Variants in BLTP1 observed in about 807,000 individuals in gnomAD.
The protein encoded by BLTP1 is fragile site-associated protein.
At chr4:122,246,676 G>T in the BLTP1 span, 1 of 1,609,374 alleles carries the variant, frequency 6.2e-7, no homozygotes, top group Admixed American at 1.7e-5. Context: ...TTTTGTGTGT[G>T]TGTTAGGTAA....
the BLTP1 span, chr4:122,291,771 G>T: frequency 3.1e-6 from 3 of 973,722 alleles, no homozygotes; most frequent in Non-Finnish European, 3.7e-6. Flanking sequence ...AAATACTATG[G>T]AATTAATGCA....
the BLTP1 span, chr4:122,347,718 C>T: frequency 6.2e-7 from 1 of 1,613,724 alleles, no homozygotes; most frequent in Non-Finnish European, 8.5e-7. Flanking sequence ...TAGGACAGAG[C>T]CTAAAATCCC....
At chr4:122,359,748 C>A in the BLTP1 span, 1 of 1,572,656 alleles carries the variant, frequency 6.4e-7, no homozygotes, top group South Asian at 1.2e-5. Context: ...ATACATTTAC[C>A]CATATGCTAA....
the BLTP1 span, chr4:122,171,690 C>A: frequency 7.2e-5 from 17 of 237,162 alleles, no homozygotes; most frequent in Non-Finnish European, 1.1e-4. Context: ...TCTTTCATGA[C>A]ACCCAAGGAT....
At chr4:122,286,928 AGT>A in the BLTP1 span, 344 of 694,328 alleles carry the variant, frequency 5.0e-4, no homozygotes, top group South Asian at 9.3e-4. Flanking sequence ...TACCAAATCA[AGT>A]GTGTGTGTGT....
the BLTP1 span, chr4:122,215,347 A>G: frequency 2.1e-6 from 2 of 968,586 alleles, no homozygotes; most frequent in Non-Finnish European, 2.5e-6. Context: ...ATAACAGACT[A>G]CAAGGGAATT....
chr4:122,168,652 G>A, the BLTP1 span, among the ~76,000 whole-genome samples: 4 of 151,750 alleles, frequency 2.6e-5, no homozygotes, highest in African/African-American at 9.7e-5. Flanking sequence ...AAATTTTAAG[G>A]TGCTGACAGG....
At chr4:122,170,643 T>C in the BLTP1 span, 4 of 1,559,786 alleles carry the variant, frequency 2.6e-6, no homozygotes, top group South Asian at 1.2e-5. Context: ...GGAAAAACTT[T>C]AGTAATGGAT....
the BLTP1 span, chr4:122,351,167 G>T: frequency 2.3e-6 from 1 of 426,116 alleles, no homozygotes; most frequent in African/African-American, 2.1e-5. Flanking sequence ...GATGATAGAG[G>T]TGTAAGTGGT....
chr4:122,212,294 CCTAGA>C, the BLTP1 span, among the ~76,000 whole-genome samples: 1 of 152,054 alleles, frequency 6.6e-6, no homozygotes, highest in Non-Finnish European at 1.5e-5. Context: ...TTTGTAGATA[CCTAGA>C]GTTTCTGTTG....
chr4:122,152,373 C>T, the BLTP1 span: 1 of 985,858 alleles, frequency 1.0e-6, no homozygotes, highest in Non-Finnish European at 1.2e-6. Flanking sequence ...CCCTCCTCCT[C>T]CGCCCCCTTG....
At chr4:122,305,865 A>G in the BLTP1 span, 1 of 1,563,900 alleles carries the variant, frequency 6.4e-7, no homozygotes, top group Non-Finnish European at 8.6e-7. Flanking sequence ...TGAGCTTTAA[A>G]TTTTATTTTA....
chr4:122,188,273 A>G, the BLTP1 span: 1 of 596,142 alleles, frequency 1.7e-6, no homozygotes, highest in Non-Finnish European at 2.1e-6. Context: ...CCAGTGATAA[A>G]CTCTAATTTT....
At chr4:122,318,293 A>G in the BLTP1 span, 42 of 1,600,864 alleles carry the variant, frequency 2.6e-5, no homozygotes, top group African/African-American at 8.1e-5. Context: ...TTTTCTTTCA[A>G]TGCTGGTGAC....
chr4:122,321,338 C>T, the BLTP1 span, among the ~76,000 whole-genome samples: 1 of 152,108 alleles, frequency 6.6e-6, no homozygotes, highest in African/African-American at 2.4e-5. Context: ...TCCCTCCCTC[C>T]TGTCTCTTGT....
the BLTP1 span, among the ~76,000 whole-genome samples, chr4:122,202,750 C>T: frequency 1.3e-5 from 2 of 151,960 alleles, no homozygotes; most frequent in Non-Finnish European, 2.9e-5. Flanking sequence ...TTTGTACTAG[C>T]ACTTTCATTT....
the BLTP1 span, chr4:122,270,867 TG>T: frequency 9.5e-7 from 1 of 1,049,612 alleles, no homozygotes; most frequent in East Asian, 2.6e-5. Flanking sequence ...CCTGGCCTAG[TG>T]AAAAAGCATA....
At chr4:122,180,712 A>T in the BLTP1 span, among the ~76,000 whole-genome samples, 2 of 152,366 alleles carry the variant, frequency 1.3e-5, no homozygotes, top group Admixed American at 1.3e-4. Context: ...TGTAATTGGG[A>T]CACATGCTAT....
the BLTP1 span, among the ~76,000 whole-genome samples, chr4:122,338,373 T>C: frequency 1.3e-5 from 2 of 151,912 alleles, no homozygotes; most frequent in Non-Finnish European, 1.5e-5. Context: ...CTTGGGAGGC[T>C]GAGATGGGAA....
Sources: allele counts gnomAD v4.1 joint callset (sites outside exome capture counted in the v4.1 genomes callset), GRCh38; gene constraint gnomAD v4.1.1; transcripts MANE v1.5; gene names NCBI Gene and HGNC (gene_info 2026-07-23, HGNC 2026-07-21).